Variants in AUTS2 observed in about 807,000 individuals in gnomAD.
The protein encoded by AUTS2 is autism susceptibility gene 2 protein.
A neutral mutation model predicts 112.4 loss-of-function variants in AUTS2; 17 were observed. The observed-to-expected ratio is 0.15, with a 90% confidence interval of 0.10 to 0.23. The LOEUF is 0.23. Ranked by LOEUF, AUTS2 falls within the 10% of genes least tolerant of loss-of-function variation. The pLI, the probability that AUTS2 is intolerant of heterozygous loss-of-function variation, is 1.00. For synonymous variants in AUTS2, 751 were observed against 702.7 expected (o/e 1.07, Z -1.09); for missense variants, 1,510 against 1,701.6 (o/e 0.89, Z 1.98).
intron 5 of AUTS2, among the ~76,000 whole-genome samples, chr7:70,515,577 T>C (rs770613574): frequency 3.3e-5 from 5 of 152,124 alleles, no homozygotes; most frequent in Non-Finnish European, 7.4e-5. Context: ...GATGTCCAGT[T>C]AGATTTCCCT....
intron 1 of AUTS2, among the ~76,000 whole-genome samples, chr7:69,701,838 T>G (rs1797826863): frequency 6.6e-6 from 1 of 152,202 alleles, no homozygotes; most frequent in South Asian, 2.1e-4. Context: ...AGCTCCTTGG[T>G]GGTGGAGTTG....
At chr7:70,558,259 G>C (rs765644171) in intron 5 of AUTS2, among the ~76,000 whole-genome samples, 2 of 152,140 alleles carry the variant, frequency 1.3e-5, no homozygotes, top group Non-Finnish European at 2.9e-5. Context: ...CAGATACTCT[G>C]CGTAAAATTT....
At chr7:70,008,812 A>G (rs1292837222) in intron 2 of AUTS2, among the ~76,000 whole-genome samples, 1 of 152,234 alleles carries the variant, frequency 6.6e-6, no homozygotes, top group Non-Finnish European at 1.5e-5. Flanking sequence ...TGTGAAATCT[A>G]TATAAACATG....
chr7:70,221,728 A>C (rs575625046), intron 4 of AUTS2, among the ~76,000 whole-genome samples: 4 of 152,204 alleles, frequency 2.6e-5, no homozygotes, highest in Non-Finnish European at 4.4e-5. Flanking sequence ...CTCTACTAAA[A>C]ATATAAAAAT....
At chr7:70,169,489 C>T (rs1054520292) in intron 4 of AUTS2, among the ~76,000 whole-genome samples, 4 of 152,102 alleles carry the variant, frequency 2.6e-5, no homozygotes, top group African/African-American at 7.2e-5. Context: ...GATCTGCCTG[C>T]GTCTACCTCC....
At chr7:70,496,719 C>CA (rs2116544729) in intron 5 of AUTS2, among the ~76,000 whole-genome samples, 1 of 141,284 alleles carries the variant, frequency 7.1e-6, no homozygotes, top group East Asian at 2.3e-4. Context: ...CGCACACACC[C>CA]CACACATGCA....
chr7:70,262,220 C>T (rs190553988), intron 4 of AUTS2, among the ~76,000 whole-genome samples: 327 of 152,168 alleles, frequency 2.1e-3, no homozygotes, highest in Admixed American at 4.3e-3. Flanking sequence ...GATGGAGTCT[C>T]GCTCTGTCAC....
chr7:70,601,696 G>A (rs1196857998), intron 5 of AUTS2, among the ~76,000 whole-genome samples: 1 of 152,144 alleles, frequency 6.6e-6, no homozygotes, highest in Non-Finnish European at 1.5e-5. Context: ...GAGAAGCGGG[G>A]ACAGGAAGTT....
At chr7:69,891,707 G>T (rs538512466) in intron 1 of AUTS2, among the ~76,000 whole-genome samples, 44 of 127,872 alleles carry the variant, frequency 3.4e-4, no homozygotes, top group African/African-American at 1.1e-3. Context: ...GTTTTAAGTT[G>T]TATTTCCCTA....
At chr7:70,513,520 C>T (rs1799288803) in intron 5 of AUTS2, among the ~76,000 whole-genome samples, 2 of 152,250 alleles carry the variant, frequency 1.3e-5, no homozygotes, top group African/African-American at 4.8e-5. Context: ...GTCTCCACCA[C>T]AGCAAACCCC....
chr7:70,749,943 C>G (rs1248983898), intron 6 of AUTS2, among the ~76,000 whole-genome samples: 12 of 152,326 alleles, frequency 7.9e-5, no homozygotes, highest in Admixed American at 7.8e-4. Context: ...ACACTACACT[C>G]CAAGTGACAG....
rs559027448 is a variant in AUTS2, at chr7:70,791,202, A to G, written c.*206A>G. On this transcript the variant is annotated 3_prime_UTR_variant, in exon 19 of 19. Coordinates refer to ENST00000342771, the MANE Select transcript of AUTS2 (RefSeq NM_015570.4). ...ATTTTTCAGATCTTTTAGCCCAGTC[A>G]TATGTTCTCACGTCTCCTACTTTTT... is the stretch of plus-strand genomic sequence containing the variant. 2 of 469,362 alleles carry G rather than the reference A, an allele frequency of 4.3e-6. No individual in the cohort carries two copies. Among genetic ancestry groups the G allele is most frequent in the African/African-American group, 2.0e-5 (1 of 49,506 alleles). 29.1% of individuals were successfully genotyped at this position (469,362 alleles called of 1,614,324 possible). A position where few individuals can be genotyped will look rare whatever the true frequency, so the allele number is the denominator to read the frequency against.
chr7:70,365,789 C>A (rs183495329), intron 4 of AUTS2, among the ~76,000 whole-genome samples: 1 of 152,340 alleles, frequency 6.6e-6, no homozygotes, highest in Admixed American at 6.5e-5. Context: ...TCTTCTAAAG[C>A]AGTGCTGTTT....
intron 6 of AUTS2, among the ~76,000 whole-genome samples, chr7:70,744,317 C>T (rs1454049440): frequency 1.3e-5 from 2 of 152,118 alleles, no homozygotes; most frequent in African/African-American, 4.8e-5. Flanking sequence ...TAGATGCGCT[C>T]CTCTTTTCAG....
intron 1 of AUTS2, among the ~76,000 whole-genome samples, chr7:69,822,860 G>T (rs1454826837): frequency 6.6e-6 from 1 of 152,184 alleles, no homozygotes; most frequent in Non-Finnish European, 1.5e-5. Context: ...CTGTTGTGAG[G>T]AAGGTTGCAA....
At chr7:70,665,929 T>A (rs1304237296) in intron 5 of AUTS2, among the ~76,000 whole-genome samples, 2 of 152,170 alleles carry the variant, frequency 1.3e-5, no homozygotes, top group Admixed American at 6.5e-5. Flanking sequence ...AGTGCAACAT[T>A]ACCAGCTTTC....
intron 5 of AUTS2, among the ~76,000 whole-genome samples, chr7:70,583,638 G>A (rs1012534292): frequency 1.2e-4 from 19 of 152,222 alleles, no homozygotes; most frequent in African/African-American, 4.6e-4. Context: ...GGGAGTGGTG[G>A]ACAGTGAGTG....
chr7:70,690,730 A>G (rs1177575659), intron 5 of AUTS2, among the ~76,000 whole-genome samples: 2 of 152,234 alleles, frequency 1.3e-5, no homozygotes, highest in African/African-American at 4.8e-5. Context: ...TGGGAGGTCA[A>G]GGTGGGAGAA....
At chr7:70,218,792 C>T (rs1811310039) in intron 4 of AUTS2, among the ~76,000 whole-genome samples, 1 of 152,166 alleles carries the variant, frequency 6.6e-6, no homozygotes, top group Non-Finnish European at 1.5e-5. Flanking sequence ...TTTGCTTACC[C>T]TCTGATAGCC....
Sources: gnomAD v4.1 joint callset for allele counts (sites outside exome capture counted in the v4.1 genomes callset) on GRCh38, gnomAD v4.1.1 for gene constraint, MANE v1.5 for transcripts, NCBI Gene and HGNC (gene_info 2026-07-23, HGNC 2026-07-21) for gene names.